Variants in IL1RAPL2 observed in about 807,000 individuals in gnomAD.
The protein encoded by IL1RAPL2 is X-linked interleukin-1 receptor accessory protein-like 2.
A neutral mutation model predicts 44.1 loss-of-function variants in IL1RAPL2; 3 were observed. The observed-to-expected ratio is 0.07, with a 90% CI of 0.03 to 0.18. IL1RAPL2 has a LOEUF of 0.18. IL1RAPL2 is among the 10% of genes least tolerant of loss of function. IL1RAPL2 has a pLI of 1.00. For missense variants in IL1RAPL2, 391 were observed against 496.4 expected, an observed-to-expected ratio of 0.79 and a Z score of 2.02; for synonymous variants, 181 against 178.8, an observed-to-expected ratio of 1.01 and a Z score of -0.10.
At chrX:104,826,938 CTTTTTTTTTTTTTTT>C (rs1176113214) in intron 2 of IL1RAPL2, among the ~76,000 whole-genome samples, 1 of 34,850 alleles carries the variant, frequency 2.9e-5, no homozygotes, top group Non-Finnish European at 5.0e-5. Context: ...GCAACCCCTG[CTTTTTTTTTTTTTTT>C]TTTTTTTTGC....
intron 2 of IL1RAPL2, among the ~76,000 whole-genome samples, chrX:104,833,026 A>G (rs972431798): frequency 2.7e-5 from 3 of 112,453 alleles, no homozygotes; most frequent in Non-Finnish European, 5.6e-5. Flanking sequence ...GATATTCTTT[A>G]TGAGTAGAAG....
chrX:105,516,262 G>A (rs1334500716), intron 6 of IL1RAPL2, among the ~76,000 whole-genome samples: 1 of 112,124 alleles, frequency 8.9e-6, no homozygotes, highest in Admixed American at 9.5e-5. Flanking sequence ...CAGCAAAAAG[G>A]AACTTTATTC....
At chrX:104,934,905 C>T (rs1470415148) in intron 2 of IL1RAPL2, among the ~76,000 whole-genome samples, 2 of 111,778 alleles carry the variant, frequency 1.8e-5, no homozygotes, top group African/African-American at 3.2e-5. Context: ...TGCCTAAAAC[C>T]TTGTGCTGCG....
rs193109624 is a variant in IL1RAPL2, at chrX:105,227,449, C to G, written c.357-6369C>G. On this transcript the variant is annotated intron_variant, in intron 3 of 10. Transcript: ENST00000372582. The stretch of plus-strand genomic sequence containing the variant: ...AATCCCGGAGCTCTTTACAACTGTA[C>G]AAGCCTAGAAGTAAGATGATTTACT... Among the ~76,000 whole-genome samples the G allele has an allele frequency of 9.8e-5, 11 of 111,940 alleles. No homozygotes were observed. The East Asian group carries it at 2.2e-3, about 23-fold the overall frequency.
At position 104,784,511 on chromosome X, in the gene IL1RAPL2, T is replaced by C. The variant is rs752151569; in HGVS notation, c.82+125516T>C. Among the ~76,000 whole-genome samples, 3 of 111,564 alleles carry C rather than the reference T, an allele frequency of 2.7e-5. No individual in the cohort carries two copies. The South Asian group carries it at 1.1e-3, about 42-fold the overall frequency. On this transcript the variant is annotated intron_variant, in intron 2 of 10. Coordinates refer to ENST00000372582, the MANE Select transcript of IL1RAPL2 (RefSeq NM_017416.2). Reference sequence around the variant, plus strand: ...TATGATGGGAATAATAATGCTTACCTTGCAGAGATGTGATGATGATAAAAT... The same window carrying C: ...TATGATGGGAATAATAATGCTTACCCTGCAGAGATGTGATGATGATAAAAT...
chrX:104,688,665 T>C (rs1388503693), intron 2 of IL1RAPL2, among the ~76,000 whole-genome samples: 1 of 111,932 alleles, frequency 8.9e-6, no homozygotes, highest in Admixed American at 9.5e-5. Flanking sequence ...ACTAAGATTT[T>C]CACCTCTCTT....
At chrX:105,106,305 G>C (rs2032743615) in intron 2 of IL1RAPL2, among the ~76,000 whole-genome samples, 1 of 111,263 alleles carries the variant, frequency 9.0e-6, no homozygotes. Context: ...TCATGGTTAA[G>C]AGCATGGCCT....
At chrX:105,759,567 A>C (rs917513755) in intron 10 of IL1RAPL2, among the ~76,000 whole-genome samples, 1 of 112,475 alleles carries the variant, frequency 8.9e-6, no homozygotes, top group African/African-American at 3.2e-5. Flanking sequence ...ATTTAGCCTC[A>C]TGTGTCGAAT....
rs191773588 is a variant in IL1RAPL2 at position 105,285,885 on chromosome X, C to A, written c.697+18344C>A. ...TAGGATTTCTGACATTTTCCAGAAGCCATTAGCTTATGTTCTTCAATAACT... is the reference window on the plus strand; with the variant it reads ...TAGGATTTCTGACATTTTCCAGAAGACATTAGCTTATGTTCTTCAATAACT... On this transcript the variant is annotated intron_variant, in intron 5 of 10. Transcript: ENST00000372582. Among the ~76,000 whole-genome samples, 534 of 111,873 alleles carry A rather than the reference C, an allele frequency of 4.8e-3. 5 individuals carry two copies. Among genetic ancestry groups the A allele is most frequent in the African/African-American group, 0.017 (509 of 30,831 alleles).
intron 2 of IL1RAPL2, among the ~76,000 whole-genome samples, chrX:105,101,297 C>T (rs893606774): frequency 4.5e-5 from 5 of 111,788 alleles, no homozygotes; most frequent in Admixed American, 9.5e-5. Context: ...AAACCAAGGC[C>T]TTTTTATATC....
At chrX:105,647,448 A>G (rs1232591833) in intron 6 of IL1RAPL2, among the ~76,000 whole-genome samples, 2 of 111,481 alleles carry the variant, frequency 1.8e-5, no homozygotes, top group Non-Finnish European at 3.8e-5. Flanking sequence ...TCAGGCTTAG[A>G]TGATTTGATT....
chrX:104,654,026 A>G (rs549678209), intron 1 of IL1RAPL2, among the ~76,000 whole-genome samples: 5 of 110,878 alleles, frequency 4.5e-5, no homozygotes, highest in African/African-American at 1.3e-4. Flanking sequence ...TTTTAACTCA[A>G]TAGGGACAAA....
At chrX:104,644,020 A>G (rs1413295703) in intron 1 of IL1RAPL2, among the ~76,000 whole-genome samples, 1 of 111,584 alleles carries the variant, frequency 9.0e-6, no homozygotes, top group African/African-American at 3.3e-5. Flanking sequence ...GTTTTTTGGC[A>G]TGGTGGTAAA....
intron 2 of IL1RAPL2, among the ~76,000 whole-genome samples, chrX:104,928,823 GT>G (rs754991196): frequency 9.0e-6 from 1 of 111,237 alleles, no homozygotes; most frequent in Non-Finnish European, 1.9e-5. Context: ...GGGCTTCTTT[GT>G]GTGGGTTTGT....
intron 2 of IL1RAPL2, among the ~76,000 whole-genome samples, chrX:104,848,086 A>G (rs931460508): frequency 1.8e-5 from 2 of 109,865 alleles, no homozygotes; most frequent in Non-Finnish European, 3.8e-5. Context: ...GCTTAAGGAG[A>G]TTTTGGGCTG....
intron 5 of IL1RAPL2, among the ~76,000 whole-genome samples, chrX:105,345,166 G>T (rs1301445493): frequency 9.0e-6 from 1 of 111,586 alleles, no homozygotes; most frequent in Non-Finnish European, 1.9e-5. Flanking sequence ...TAATTCTGGA[G>T]AATAATCTAT....
chrX:105,292,836 G>A (rs915040603), intron 5 of IL1RAPL2, among the ~76,000 whole-genome samples: 3 of 108,797 alleles, frequency 2.8e-5, no homozygotes, highest in Non-Finnish European at 3.8e-5. Flanking sequence ...AGTCCTGGCC[G>A]GGTGCAGTGG....
chrX:105,102,652 T>A (rs1978768427), intron 2 of IL1RAPL2, among the ~76,000 whole-genome samples: 1 of 111,492 alleles, frequency 9.0e-6, no homozygotes, highest in Non-Finnish European at 1.9e-5. Flanking sequence ...TGTACACATG[T>A]GTGTATATAT....
chrX:104,573,989 G>A (rs1413042231), intron 1 of IL1RAPL2, among the ~76,000 whole-genome samples: 1 of 111,060 alleles, frequency 9.0e-6, no homozygotes, highest in Non-Finnish European at 1.9e-5. Flanking sequence ...AGATTTAAAT[G>A]TAAAAAAAAC....
Sources: allele counts gnomAD v4.1 joint callset (sites outside exome capture counted in the v4.1 genomes callset), GRCh38; gene constraint gnomAD v4.1.1; transcripts MANE v1.5; gene names NCBI Gene and HGNC (gene_info 2026-07-23, HGNC 2026-07-21).